Variants in GGTA1 observed in about 807,000 individuals in gnomAD.
GGTA1 encodes glycoprotein alpha-galactosyltransferase 1 (inactive), also known as inactive N-acetyllactosaminide alpha-1,3-galactosyltransferase.
A neutral mutation model predicts 2.6 loss-of-function variants in GGTA1; 5 were observed. The observed-to-expected ratio is 1.92, with a 90% confidence interval of 1.00 to 4.04. The LOEUF (loss-of-function observed/expected upper bound fraction) is 4.04, where lower values mean the gene tolerates loss of function less well. Among genes scored for constraint, GGTA1 ranks in the 30% most tolerant of loss-of-function variants. GGTA1 has a pLI of 0.00. For synonymous variants in GGTA1, 17 were observed against 5.0 expected (o/e 3.38, Z -3.19); for missense variants, 50 against 16.7 (o/e 2.99, Z -3.47).
At chr9:121,484,738 G>T (rs1828723448) in intron 1 of GGTA1, among the ~76,000 whole-genome samples, 1 of 152,112 alleles carries the variant, frequency 6.6e-6, no homozygotes, top group African/African-American at 2.4e-5. Context: ...TTAATACAAG[G>T]AACTAAGTTC....
intron 1 of GGTA1, among the ~76,000 whole-genome samples, chr9:121,468,396 C>A (rs1235555963): frequency 6.6e-6 from 1 of 152,190 alleles, no homozygotes; most frequent in Non-Finnish European, 1.5e-5. Context: ...ATATGTGCCA[C>A]ATTTTCTTTA....
rs1286369118 is a variant in GGTA1 at position 121,455,807 on chromosome 9, C to A, written c.*30G>T. 2.2e-6 allele frequency: 1 copy of A among 454,036 alleles called. No homozygotes were observed. Among genetic ancestry groups the A allele is most frequent in the Non-Finnish European group, 4.4e-6 (1 of 226,146 alleles). 28.1% of individuals were successfully genotyped at this position (454,036 alleles called of 1,614,324 possible). A position where few individuals can be genotyped will look rare whatever the true frequency, so the allele number is the denominator to read the frequency against. On this transcript the variant is annotated 3_prime_UTR_variant, in exon 6 of 6. Coordinates refer to ENST00000481799, the MANE Select transcript of GGTA1 (RefSeq NM_001382585.1). ...CTTCTAGAAGGACTGAGTCAGAAAA[C>A]CAGAGTCCAGTTTAGTTATTCGGAT...
chr9:121,473,999 A>G (rs997167215), intron 1 of GGTA1, among the ~76,000 whole-genome samples: 23 of 151,870 alleles, frequency 1.5e-4, no homozygotes, highest in African/African-American at 5.3e-4. Context: ...GAAAAGAAAG[A>G]AAGAAAGAAA....
chr9:121,468,905 G>C (rs371614822), intron 1 of GGTA1, among the ~76,000 whole-genome samples: 1 of 152,064 alleles, frequency 6.6e-6, no homozygotes, highest in Non-Finnish European at 1.5e-5. Flanking sequence ...CTTTTATCTC[G>C]TGACTGTGAG....
rs1404315421 is a variant in GGTA1 at position 121,465,010 on chromosome 9, A to C, written c.81-1682T>G. ...TGGCAAAAAAACAAAACAAACAAAA[A>C]AAAAAAAACAAAAAACAACTCCTCC... On this transcript the variant is annotated intron_variant, in intron 2 of 5. Transcript: ENST00000481799. 1.6e-4 allele frequency among the ~76,000 whole-genome samples: 24 copies of C among 151,814 alleles called. 1 individual carries two copies. The highest frequency in any genetic ancestry group is 3.9e-4 in the African/African-American group (16 of 41,244).
chr9:121,497,690 CAGGTACCT>C (rs1829022674), intron 1 of GGTA1, among the ~76,000 whole-genome samples: 1 of 152,170 alleles, frequency 6.6e-6, no homozygotes, highest in Non-Finnish European at 1.5e-5. Context: ...GGGACACAGG[CAGGTACCT>C]AGTCTACTCA....
chr9:121,486,621 C>T (rs1828759258), intron 1 of GGTA1, among the ~76,000 whole-genome samples: 1 of 152,188 alleles, frequency 6.6e-6, no homozygotes, highest in Admixed American at 6.5e-5. Context: ...TGAAGGGCAC[C>T]ATCTCATTGC....
intron 1 of GGTA1, among the ~76,000 whole-genome samples, chr9:121,487,617 A>G (rs1234106057): frequency 2.0e-5 from 3 of 150,814 alleles, no homozygotes; most frequent in African/African-American, 7.3e-5. Context: ...TCAAACCTAC[A>G]GTCCTAAGAA....
At chr9:121,460,046 C>T (rs1436776096) in intron 5 of GGTA1, 58 bp downstream of exon 5, 1 of 451,168 alleles carries the variant, frequency 2.2e-6, no homozygotes, top group African/African-American at 2.0e-5. Flanking sequence ...TCCACTGCCA[C>T]ACCACCCCCT....
rs537208970 is a variant in GGTA1 at position 121,479,082 on chromosome 9, C to T, written c.-9-11151G>A. ...TGAACTTACAGTGAAGTCCCTGAGC[C>T]GGCATCCTTCTTCCAGGTCCACTGC... On this transcript the variant is annotated intron_variant, in intron 1 of 5. Coordinates refer to ENST00000481799, the MANE Select transcript of GGTA1 (RefSeq NM_001382585.1). 36 of 456,588 alleles carry T rather than the reference C, an allele frequency of 7.9e-5. 1 individual carries two copies. The East Asian group carries it at 1.2e-3, about 15-fold the overall frequency. The allele number at this position is 456,588 out of a possible 1,614,324, so 28.3% of individuals were successfully genotyped here.
chr9:121,464,630 C>CA (rs144684179), intron 2 of GGTA1, among the ~76,000 whole-genome samples: 28 of 2,432 alleles, frequency 0.012, no homozygotes, highest in Non-Finnish European at 0.043. Context: ...AAAACAAAAA[C>CA]AAAACAAAAC....
chr9:121,495,931 C>T (rs544629727), intron 1 of GGTA1, among the ~76,000 whole-genome samples: 43 of 152,180 alleles, frequency 2.8e-4, no homozygotes, highest in Non-Finnish European at 4.6e-4. Flanking sequence ...GAATTAGATG[C>T]CCAAAGTTTG....
At chr9:121,456,752 A>T (rs1434099199) in intron 5 of GGTA1, among the ~76,000 whole-genome samples, 3 of 152,014 alleles carry the variant, frequency 2.0e-5, no homozygotes, top group Non-Finnish European at 2.9e-5. Flanking sequence ...GGAGTAGGTT[A>T]AAAAAAGATG....
rs571012301 is a variant in GGTA1, at chr9:121,479,791, C to T, written c.-9-11860G>A. Among the ~76,000 whole-genome samples, 18 of 152,292 alleles carry T rather than the reference C, an allele frequency of 1.2e-4. No individual in the cohort carries two copies. The South Asian group carries it at 3.7e-3, about 32-fold the overall frequency. ...CTGGTGGAAATTCTACCTAAATGTT[C>T]CTCAAAGTTAAGTCCTTCCTCTACA... On this transcript the variant is annotated intron_variant, in intron 1 of 5. Coordinates refer to ENST00000481799, the MANE Select transcript of GGTA1 (RefSeq NM_001382585.1).
downstream of GGTA1, among the ~76,000 whole-genome samples, chr9:121,450,091 T>G (rs1381275279): frequency 6.6e-6 from 1 of 152,138 alleles, no homozygotes; most frequent in Admixed American, 6.5e-5. Context: ...TCTTTTCGCT[T>G]TTTGTTGCTG....
chr9:121,456,332 C>A (rs1201030576), intron 5 of GGTA1, among the ~76,000 whole-genome samples: 2 of 152,190 alleles, frequency 1.3e-5, no homozygotes, highest in African/African-American at 4.8e-5. Flanking sequence ...AAAGCACACA[C>A]CTTCCTAGGT....
intron 1 of GGTA1, among the ~76,000 whole-genome samples, chr9:121,496,554 C>T (rs1264789530): frequency 6.6e-6 from 1 of 151,366 alleles, no homozygotes; most frequent in Admixed American, 6.6e-5. Flanking sequence ...CATGGTGAAA[C>T]CCCAACTCTA....
chr9:121,466,692 C>T (rs1243107770), intron 2 of GGTA1, among the ~76,000 whole-genome samples: 1 of 152,126 alleles, frequency 6.6e-6, no homozygotes, highest in Admixed American at 6.6e-5. Flanking sequence ...GTGGCTCACG[C>T]CTGTAATCCC....
At chr9:121,483,659 C>T (rs1256855431) in intron 1 of GGTA1, among the ~76,000 whole-genome samples, 4 of 152,168 alleles carry the variant, frequency 2.6e-5, no homozygotes, top group Admixed American at 2.6e-4. Flanking sequence ...TATCAGATAA[C>T]AGCCAGCATT....
Sources: gnomAD v4.1 joint callset for allele counts (sites outside exome capture counted in the v4.1 genomes callset) on GRCh38, gnomAD v4.1.1 for gene constraint, MANE v1.5 for transcripts, NCBI Gene and HGNC (gene_info 2026-07-23, HGNC 2026-07-21) for gene names.